FARP1: variants seen among roughly 807,000 people sequenced by gnomAD.
FARP1 encodes FERM, ARHGEF and pleckstrin domain-containing protein 1.
A neutral mutation model predicts 128.8 loss-of-function variants in FARP1; 52 were observed. That is an observed-to-expected ratio of 0.40 (90% CI 0.32 to 0.51). The LOEUF is 0.51. Among genes scored for constraint, FARP1 ranks in the 20% least tolerant of loss-of-function variants. The pLI is 0.45. For missense variants in FARP1, 1,333 were observed against 1,367.9 expected (o/e 0.97, Z 0.40); for synonymous variants, 580 against 551.8 (o/e 1.05, Z -0.72).
At chr13:98,408,613 G>C (rs1891069293) in intron 13 of FARP1, among the ~76,000 whole-genome samples, 1 of 152,210 alleles carries the variant, frequency 6.6e-6, no homozygotes, top group South Asian at 2.1e-4. Context: ...ACAGGCGCGA[G>C]CCACTGCGCC....
intron 1 of FARP1, among the ~76,000 whole-genome samples, chr13:98,154,099 C>T (rs935923038): frequency 9.9e-5 from 15 of 152,124 alleles, no homozygotes; most frequent in African/African-American, 3.1e-4. Context: ...TTTGTGATTC[C>T]AACAGCTCAC....
At position 98,384,664 on chromosome 13, in the gene FARP1, G is replaced by C. The variant is rs180897146; in HGVS notation, c.497-66G>C. ...CTGCTAGCTTCTGTTTGGCTCACTG[G>C]GGAATATTGACAAACTGGGAAGTGT... On this transcript the variant is annotated intron_variant, in intron 6 of 26. Coordinates refer to ENST00000319562, the MANE Select transcript of FARP1 (RefSeq NM_005766.4). 72 of 958,704 alleles carry C rather than the reference G, an allele frequency of 7.5e-5. No homozygotes were observed. The East Asian group carries it at 1.7e-3, about 23-fold the overall frequency. 59.4% of individuals were successfully genotyped at this position (958,704 alleles called of 1,614,324 possible). A position where few individuals can be genotyped will look rare whatever the true frequency, so the allele number is the denominator to read the frequency against.
Position 98,351,801 on chromosome 13 carries a change from C to T in FARP1, c.276+7935C>T, listed in dbSNP as rs9556933. 8.4e-4 allele frequency among the ~76,000 whole-genome samples: 128 copies of T among 152,036 alleles called. 2 individuals are homozygous for T. The East Asian group carries it at 0.022, about 26-fold the overall frequency. On this transcript the variant is annotated intron_variant, in intron 3 of 26. Transcript: ENST00000319562. Reference sequence around the variant, plus strand: ...AGGCACCACACACAAACAGCCGGATCGCCCATGGACTCTGCGTGGAAACAT... The same window carrying T: ...AGGCACCACACACAAACAGCCGGATTGCCCATGGACTCTGCGTGGAAACAT...
chr13:98,364,313 C>T (rs1888995107), intron 3 of FARP1, among the ~76,000 whole-genome samples: 1 of 152,102 alleles, frequency 6.6e-6, no homozygotes, highest in African/African-American at 2.4e-5. Flanking sequence ...TGAACCCTGG[C>T]CAACTTTGGC....
At chr13:98,326,199 C>T (rs569322126) in intron 2 of FARP1, among the ~76,000 whole-genome samples, 14 of 152,306 alleles carry the variant, frequency 9.2e-5, no homozygotes, top group African/African-American at 3.1e-4. Flanking sequence ...TTGTGTTTGT[C>T]TTCCAAGCAA....
At chr13:98,210,562 T>TTG (rs1403951033) in intron 1 of FARP1, among the ~76,000 whole-genome samples, 1 of 151,444 alleles carries the variant, frequency 6.6e-6, no homozygotes, top group Non-Finnish European at 1.5e-5. Context: ...TCTTTTCTTT[T>TTG]TTTTTGAGAC....
At chr13:98,236,267 T>C (rs568132495) in intron 2 of FARP1, among the ~76,000 whole-genome samples, 4 of 152,328 alleles carry the variant, frequency 2.6e-5, no homozygotes, top group East Asian at 1.9e-4. Context: ...TGTGAAGATA[T>C]GGAGCTCTCC....
At position 98,454,938 on chromosome 13, in the gene FARP1, TA is replaced by T; in HGVS notation, c.*6624del. 1 of 152,366 alleles carries T rather than the reference TA, an allele frequency of 6.6e-6. No homozygotes were observed. The highest frequency in any genetic ancestry group is 1.9e-4 in the East Asian group (1 of 5,190). 9.4% of individuals were successfully genotyped at this position (152,366 alleles called of 1,614,324 possible). On this transcript the variant is annotated 3_prime_UTR_variant, in exon 27 of 27. Coordinates refer to ENST00000319562, the MANE Select transcript of FARP1 (RefSeq NM_005766.4). ...GCTTCCCCCATGCATCACTGCAAAG[TA>T]AAGTTTTAAACACAACACAGACATC...
chr13:98,265,156 T>C (rs1297376688), intron 2 of FARP1, among the ~76,000 whole-genome samples: 1 of 152,142 alleles, frequency 6.6e-6, no homozygotes, highest in Non-Finnish European at 1.5e-5. Context: ...ACAAAGCATG[T>C]GAAGGTGGTA....
At chr13:98,248,465 A>G (rs1290931323) in intron 2 of FARP1, among the ~76,000 whole-genome samples, 1 of 152,198 alleles carries the variant, frequency 6.6e-6, no homozygotes, top group Non-Finnish European at 1.5e-5. Context: ...TCAGGAAACA[A>G]AATGTCTCAT....
At chr13:98,386,156 C>T (rs1309465666) in intron 8 of FARP1, among the ~76,000 whole-genome samples, 1 of 147,658 alleles carries the variant, frequency 6.8e-6, no homozygotes, top group Non-Finnish European at 1.5e-5. Flanking sequence ...CTTTTTCACA[C>T]TTACAGATGA....
At chr13:98,216,800 T>C (rs1274414120) in intron 2 of FARP1, among the ~76,000 whole-genome samples, 1 of 152,232 alleles carries the variant, frequency 6.6e-6, no homozygotes, top group Non-Finnish European at 1.5e-5. Flanking sequence ...CCTCTGTGGT[T>C]GAACTTGGAC....
chr13:98,176,342 C>T lies in FARP1; in HGVS notation c.-24+32850C>T, dbSNP rs1346120771. ...AGTTCTTTGGCGGGGTTAAAGATGC[C>T]GCCGGTTGGCTGGTCACAGATGTAG... On this transcript the variant is annotated intron_variant, in intron 1 of 26. Coordinates refer to ENST00000319562, the MANE Select transcript of FARP1 (RefSeq NM_005766.4). The surrounding 1 kb of genome is among the most constrained non-coding windows in gnomAD (Gnocchi z 6.2). The T allele has an allele frequency of 5.0e-6, 8 of 1,613,836 alleles. No individual in the cohort carries two copies. In the African/African-American group the frequency reaches 6.7e-5, roughly 13 times the overall value.
intron 2 of FARP1, among the ~76,000 whole-genome samples, chr13:98,307,486 C>T (rs902757602): frequency 6.6e-6 from 1 of 152,118 alleles, no homozygotes; most frequent in African/African-American, 2.4e-5. Context: ...GTATCTCCTG[C>T]CCAGCCTTGT....
At chr13:98,297,354 T>C (rs1885742511) in intron 2 of FARP1, among the ~76,000 whole-genome samples, 2 of 152,232 alleles carry the variant, frequency 1.3e-5, no homozygotes, top group African/African-American at 4.8e-5. Context: ...GTGTGTGGTT[T>C]TGTGAAGCAA....
At chr13:98,442,436 A>C (rs1892563156) in intron 24 of FARP1, among the ~76,000 whole-genome samples, 1 of 152,188 alleles carries the variant, frequency 6.6e-6, no homozygotes, top group Admixed American at 6.5e-5. Context: ...GACATCCTCA[A>C]GGGGACACAT....
At position 98,230,863 on chromosome 13, in the gene FARP1, T is replaced by C. The variant is rs151121966; in HGVS notation, c.171+17450T>C. Among the ~76,000 whole-genome samples, 11 of 152,236 alleles carry C rather than the reference T, an allele frequency of 7.2e-5. No homozygotes were observed. In the East Asian group the frequency reaches 2.1e-3, roughly 29 times the overall value. On this transcript the variant is annotated intron_variant, in intron 2 of 26. Coordinates refer to ENST00000319562, the MANE Select transcript of FARP1 (RefSeq NM_005766.4). ...TAAAGATATACCAGAGACTGGGTAA[T>C]TTATAAAGGAAAGAGGTTTAATGGA...
In FARP1 at chr13:98,422,665, C is replaced by G. The variant is rs573275941; in HGVS notation, c.1827-1907C>G. ...CCTGGAATGTGAAGCCAGGAGCAAC[C>G]TGTTTCTACTCACGATGACTTTTCT... On this transcript the variant is annotated intron_variant, in intron 16 of 26. Coordinates refer to ENST00000319562, the MANE Select transcript of FARP1 (RefSeq NM_005766.4). Among the ~76,000 whole-genome samples the G allele has an allele frequency of 1.4e-4, 22 of 152,218 alleles. No homozygotes were observed. The South Asian group carries it at 4.2e-3, about 29-fold the overall frequency.
At chr13:98,364,735 G>T (rs1288141603) in intron 3 of FARP1, among the ~76,000 whole-genome samples, 1 of 152,180 alleles carries the variant, frequency 6.6e-6, no homozygotes, top group Non-Finnish European at 1.5e-5. Context: ...TGAAAAGTTC[G>T]CTATCCAGAC....
Sources: gnomAD v4.1 joint callset for allele counts (sites outside exome capture counted in the v4.1 genomes callset) on GRCh38, gnomAD v4.1.1 for gene constraint, Gnocchi (gnomAD v3.1) non-coding constraint, MANE v1.5 for transcripts, NCBI Gene and HGNC (gene_info 2026-07-23, HGNC 2026-07-21) for gene names.